Variants in BRINP1 observed in about 807,000 individuals in gnomAD.
BRINP1 encodes BMP/retinoic acid-inducible neural-specific protein 1.
BRINP1 carries 17 observed loss-of-function variants against 72.9 expected under a neutral mutation model. The ratio of observed to expected loss-of-function variants is 0.23; its 90% CI spans 0.16 to 0.35. BRINP1 has a LOEUF of 0.35. Ranked by LOEUF, BRINP1 falls within the 10% of genes least tolerant of loss-of-function variation. The probability of loss-of-function intolerance (pLI) is 1.00; values close to 1 mark genes in which losing one functional copy is unlikely to be tolerated. For missense variants in BRINP1, 850 were observed against 1,001.6 expected (o/e 0.85, Z 2.04); for synonymous variants, 418 against 378.5 (o/e 1.10, Z -1.21).
At chr9:119,179,759 A>G (rs865903008) in intron 7 of BRINP1, among the ~76,000 whole-genome samples, 3 of 152,002 alleles carry the variant, frequency 2.0e-5, no homozygotes, top group Admixed American at 1.3e-4. Context: ...TTGGGTCCAA[A>G]CCCAATACTC....
intron 1 of BRINP1, among the ~76,000 whole-genome samples, chr9:119,342,876 G>A (rs1330481326): frequency 6.6e-6 from 1 of 152,190 alleles, no homozygotes; most frequent in Non-Finnish European, 1.5e-5. Context: ...CTCTGGAACT[G>A]AGGCATCCCC....
At chr9:119,290,845 G>A (rs548205727) in intron 2 of BRINP1, among the ~76,000 whole-genome samples, 2 of 152,294 alleles carry the variant, frequency 1.3e-5, no homozygotes, top group East Asian at 3.9e-4. Context: ...AAAAAGCACT[G>A]GGTGCAGTGG....
At chr9:119,270,210 A>C (rs559633763) in intron 2 of BRINP1, among the ~76,000 whole-genome samples, 1 of 152,240 alleles carries the variant, frequency 6.6e-6, no homozygotes, top group South Asian at 2.1e-4. Context: ...AATGTTGGGG[A>C]GAAAACAAGG....
At chr9:119,184,585 A>G (rs1193849242) in intron 7 of BRINP1, among the ~76,000 whole-genome samples, 1 of 152,100 alleles carries the variant, frequency 6.6e-6, no homozygotes, top group East Asian at 1.9e-4. Context: ...CACTCCACAC[A>G]TGCATGCACA....
chr9:119,314,329 G>T (rs1831103477), intron 1 of BRINP1, among the ~76,000 whole-genome samples: 1 of 152,190 alleles, frequency 6.6e-6, no homozygotes, highest in East Asian at 1.9e-4. Context: ...AAATCACAAG[G>T]CCATGCCAAT....
At chr9:119,325,715 C>T (rs1161735363) in intron 1 of BRINP1, among the ~76,000 whole-genome samples, 9 of 152,186 alleles carry the variant, frequency 5.9e-5, no homozygotes, top group Non-Finnish European at 1.3e-4. Context: ...AGTGATCTAT[C>T]AAAATACAGA....
intron 2 of BRINP1, among the ~76,000 whole-genome samples, chr9:119,283,726 T>C (rs1439121649): frequency 6.6e-6 from 1 of 152,010 alleles, no homozygotes; most frequent in South Asian, 2.1e-4. Context: ...AGAGATGAGG[T>C]TTCACCATGT....
chr9:119,299,557 GA>G (rs1830918423), intron 2 of BRINP1, among the ~76,000 whole-genome samples: 1 of 150,550 alleles, frequency 6.6e-6, no homozygotes, highest in Admixed American at 6.6e-5. Flanking sequence ...AGGTTGCAGT[GA>G]GCCGAGACTG....
rs1829339771 is a variant in BRINP1 at position 119,167,912 on chromosome 9, C to T, written c.1458G>A (p.Leu486=). 2.5e-6 allele frequency: 4 copies of T among 1,614,214 alleles called. No homozygotes were observed. The highest frequency in any genetic ancestry group is 3.4e-6 in the Non-Finnish European group (4 of 1,180,034). Residue 486 remains leucine, a synonymous_variant, in exon 8 of 8, where the codon CTG becomes CTA. Transcript: ENST00000265922. This position sits in a 1 kb window ranked among gnomAD's most constrained non-coding sequence, Gnocchi z 4.3. Reference sequence around the variant, plus strand: ...TCTTCTGCAGCAGGTACTTCAGCTCCAGGTCCTGGAAGTCCAGGTCAGTCT... The same window carrying T: ...TCTTCTGCAGCAGGTACTTCAGCTCTAGGTCCTGGAAGTCCAGGTCAGTCT... ...SFETDLDFQD[L]ELKYLLQKMD... is the part of the protein sequence containing the mutation.
intron 2 of BRINP1, among the ~76,000 whole-genome samples, chr9:119,291,378 T>G (rs1170387519): frequency 6.6e-6 from 1 of 152,216 alleles, no homozygotes; most frequent in Non-Finnish European, 1.5e-5. Flanking sequence ...CATTCTTTCT[T>G]GGGTCAGACT....
At chr9:119,303,365 G>A (rs1830961209) in intron 2 of BRINP1, among the ~76,000 whole-genome samples, 1 of 147,010 alleles carries the variant, frequency 6.8e-6, no homozygotes, top group South Asian at 2.1e-4. Context: ...GATGTTCTTG[G>A]GTGAGAAGCA....
intron 2 of BRINP1, among the ~76,000 whole-genome samples, chr9:119,295,809 A>G (rs1212026607): frequency 6.6e-6 from 1 of 152,238 alleles, no homozygotes; most frequent in Non-Finnish European, 1.5e-5. Context: ...TCTTCAATAA[A>G]TGTTGTTAGA....
At chr9:119,201,013 A>T (rs1011408868) in intron 7 of BRINP1, among the ~76,000 whole-genome samples, 1 of 152,174 alleles carries the variant, frequency 6.6e-6, no homozygotes, top group Non-Finnish European at 1.5e-5. Flanking sequence ...GAACCCAGCC[A>T]AGGGGTAGGT....
intron 2 of BRINP1, among the ~76,000 whole-genome samples, chr9:119,296,210 C>T (rs979992457): frequency 6.6e-6 from 1 of 152,006 alleles, no homozygotes; most frequent in African/African-American, 2.4e-5. Flanking sequence ...AGAAATAACT[C>T]GATGTAAAAA....
At chr9:119,319,951 T>C (rs1052273371) in intron 1 of BRINP1, among the ~76,000 whole-genome samples, 1 of 152,098 alleles carries the variant, frequency 6.6e-6, no homozygotes, top group African/African-American at 2.4e-5. Context: ...AATTCTAATA[T>C]GAAATATGCT....
chr9:119,279,445 T>G (rs189825697), intron 2 of BRINP1, among the ~76,000 whole-genome samples: 29 of 152,292 alleles, frequency 1.9e-4, no homozygotes, highest in Middle Eastern at 3.4e-3. Context: ...CACAGCCCAG[T>G]CTCCCTTAAG....
chr9:119,207,552 T>A (rs1829871225), intron 7 of BRINP1, among the ~76,000 whole-genome samples: 2 of 152,164 alleles, frequency 1.3e-5, no homozygotes, highest in Non-Finnish European at 2.9e-5. Context: ...TGTGCAATAA[T>A]ACCCCTAACC....
At chr9:119,235,714 T>C (rs552871142) in intron 5 of BRINP1, among the ~76,000 whole-genome samples, 5 of 152,338 alleles carry the variant, frequency 3.3e-5, no homozygotes, top group African/African-American at 4.8e-5. Context: ...AACTGATTTA[T>C]GATTATATGC....
intron 1 of BRINP1, among the ~76,000 whole-genome samples, chr9:119,325,328 T>G (rs1281477753): frequency 1.3e-5 from 2 of 152,284 alleles, no homozygotes; most frequent in East Asian, 3.9e-4. Context: ...TCTCCCAGTA[T>G]TCCCCATCCA....
Sources: allele counts gnomAD v4.1 joint callset (sites outside exome capture counted in the v4.1 genomes callset), GRCh38; gene constraint gnomAD v4.1.1; non-coding constraint Gnocchi (gnomAD v3.1); transcripts MANE v1.5; gene names NCBI Gene and HGNC (gene_info 2026-07-23, HGNC 2026-07-21).